CNOT1: variants seen among roughly 807,000 people sequenced by gnomAD.
CNOT1 encodes CCR4-NOT transcription complex subunit 1, also known as CCR4-associated factor 1.
Under a neutral mutation model 273.8 loss-of-function variants are expected in CNOT1, and 15 were observed. That is an observed-to-expected ratio of 0.05 (90% CI 0.04 to 0.08). The LOEUF is 0.08. Among genes scored for constraint, CNOT1 ranks in the 10% least tolerant of loss-of-function variants. CNOT1 has a pLI of 1.00. For missense variants in CNOT1, 1,644 were observed against 2,912.2 expected, an observed-to-expected ratio of 0.56 and a Z score of 10.02; for synonymous variants, 1,022 against 1,005.5, an observed-to-expected ratio of 1.02 and a Z score of -0.31.
intron 12 of CNOT1, among the ~76,000 whole-genome samples, chr16:58,579,152 C>A (rs1421209607): frequency 6.6e-6 from 1 of 152,174 alleles, no homozygotes; most frequent in African/African-American, 2.4e-5. Flanking sequence ...AGATCTAACT[C>A]TATCCTCAGC....
At chr16:58,558,736 A>G (rs1271534907) in intron 17 of CNOT1, 62 bp from the exon 18 acceptor site, 26 of 1,559,344 alleles carry the variant, frequency 1.7e-5, no homozygotes, top group African/African-American at 5.5e-5. Context: ...ACACATGTAA[A>G]GCAATCTTTA....
chr16:58,589,966 T>TGCCCCAGGA (rs1018711329), intron 2 of CNOT1, among the ~76,000 whole-genome samples: 3 of 152,242 alleles, frequency 2.0e-5, no homozygotes, highest in Non-Finnish European at 1.5e-5. Context: ...AAATATGACC[T>TGCCCCAGGA]GCCCCAGCAT....
At chr16:58,583,672 G>A (rs1350003288) in intron 8 of CNOT1, among the ~76,000 whole-genome samples, 1 of 152,030 alleles carries the variant, frequency 6.6e-6, no homozygotes, top group African/African-American at 2.4e-5. Flanking sequence ...CCAAATAGCT[G>A]GGATTACAAG....
intron 1 of CNOT1, among the ~76,000 whole-genome samples, chr16:58,624,194 C>T (rs983970723): frequency 2.6e-5 from 4 of 152,160 alleles, no homozygotes; most frequent in African/African-American, 9.7e-5. Flanking sequence ...GGATCTGATG[C>T]TATCTTCAGG....
intron 25 of CNOT1, chr16:58,548,392 T>G (rs535995197): frequency 5.0e-5 from 22 of 442,048 alleles, no homozygotes; most frequent in Admixed American, 1.3e-4. Flanking sequence ...GGGCTATATT[T>G]AAACTTCTGT....
chr16:58,587,990 T>C (rs2041930523), intron 3 of CNOT1, 112 bp from the exon 4 acceptor site: 2 of 1,088,240 alleles, frequency 1.8e-6, no homozygotes, highest in African/African-American at 3.2e-5. Flanking sequence ...CTGTTATATA[T>C]TATCAAAATC....
At chr16:58,543,573 T>C in intron 31 of CNOT1, 34 bp downstream of exon 31, 1 of 1,614,012 alleles carries the variant, frequency 6.2e-7, no homozygotes, top group East Asian at 2.2e-5. Context: ...CAGTAATACG[T>C]TTTGTACCTA....
intron 2 of CNOT1, among the ~76,000 whole-genome samples, chr16:58,592,532 T>TA (rs1365491956): frequency 6.6e-6 from 1 of 152,118 alleles, no homozygotes; most frequent in African/African-American, 2.4e-5. Flanking sequence ...GTGCCATGAA[T>TA]GTGTCTGTGA....
In CNOT1 at chr16:58,551,539, T is replaced by C. The variant is rs781097967; in HGVS notation, c.3201+50A>G. On this transcript the variant is annotated intron_variant, in intron 23 of 48. Transcript: ENST00000317147. ...TCTAATACATGTTCACCACTGATTA[T>C]TACAATATAATCATAAATCCTGGAA... is the stretch of plus-strand genomic sequence containing the variant. The C allele has an allele frequency of 4.5e-6, 7 of 1,570,092 alleles. No homozygotes were observed. In the East Asian group the frequency reaches 6.8e-5, roughly 15 times the overall value.
intron 45 of CNOT1, among the ~76,000 whole-genome samples, 187 bp downstream of exon 45, chr16:58,525,802 C>G (rs1408481121): frequency 1.3e-5 from 2 of 152,168 alleles, no homozygotes; most frequent in African/African-American, 4.8e-5. Context: ...GCTGTCTTGT[C>G]CAAAGCTGTA....
chr16:58,613,892 T>C (rs1280571344), intron 1 of CNOT1, among the ~76,000 whole-genome samples: 1 of 119,194 alleles, frequency 8.4e-6, no homozygotes, highest in South Asian at 2.5e-4. Flanking sequence ...ATAGGGACCA[T>C]CCTGGCTAAC....
intron 16 of CNOT1, among the ~76,000 whole-genome samples, chr16:58,570,694 CAAT>C (rs1264084243): frequency 1.3e-5 from 2 of 151,886 alleles, no homozygotes; most frequent in Non-Finnish European, 2.9e-5. Context: ...ATTTGCATGA[CAAT>C]AATGGCAAAA....
rs374680307 is a variant in CNOT1 at position 58,614,349 on chromosome 16, G to A, written c.-174-14838C>T. Among the ~76,000 whole-genome samples, 83 of 124,010 alleles carry A rather than the reference G, an allele frequency of 6.7e-4. 14 individuals carry two copies. The highest frequency in any genetic ancestry group is 1.2e-3 in the Non-Finnish European group (65 of 52,318). The allele number at this position is 124,010 out of a possible 152,430, so 81.4% of individuals were successfully genotyped here. The stretch of plus-strand genomic sequence containing the variant: ...CAGGGCTACTAAGAGTGACTCATTC[G>A]GCATAAACTGCACAAACCAAATGTG... On this transcript the variant is annotated intron_variant, in intron 1 of 48. Coordinates refer to ENST00000317147, the MANE Select transcript of CNOT1 (RefSeq NM_016284.5).
chr16:58,582,965 T>C lies in CNOT1; in HGVS notation c.934-62A>G, dbSNP rs184763534. The stretch of plus-strand genomic sequence containing the variant: ...ACTCCATGTGTTCACTTCTGGTCGA[T>C]AGAACAATCAATCATACTGTAATTT... On this transcript the variant is annotated intron_variant, in intron 9 of 48. Coordinates refer to ENST00000317147, the MANE Select transcript of CNOT1 (RefSeq NM_016284.5). 106 of 1,611,168 alleles carry C rather than the reference T, an allele frequency of 6.6e-5. No individual in the cohort carries two copies. The African/African-American group carries it at 8.2e-4, about 12-fold the overall frequency.
In CNOT1 at chr16:58,574,746, C is replaced by T; in HGVS notation, c.1842G>A (p.Gln614=). The change falls in exon 16 of 49, where the codon CAG becomes CAA. Residue 614 remains glutamine (Q), a synonymous_variant. Transcript: ENST00000317147. ...GTCTCTTTAAAAAAGTCATACACGC[C>T]TGGATAAAAGGCTCCTGAAGAATAG... is the stretch of plus-strand genomic sequence containing the variant. ...KIREHGEPFI[Q]ACMTFLKRRC... 1 of 1,596,710 alleles carries T rather than the reference C, an allele frequency of 6.3e-7. No individual in the cohort carries two copies.
At chr16:58,575,628 G>A (rs1275883243) in intron 14 of CNOT1, among the ~76,000 whole-genome samples, 2 of 152,008 alleles carry the variant, frequency 1.3e-5, no homozygotes, top group East Asian at 3.9e-4. Flanking sequence ...GTGAAACCCT[G>A]TCTCTACTAA....
intron 2 of CNOT1, 33 bp downstream of exon 2, chr16:58,599,203 T>A: frequency 6.2e-7 from 1 of 1,614,064 alleles, no homozygotes; most frequent in South Asian, 1.1e-5. Context: ...CTCATTCCTT[T>A]AATGGCACTT....
chr16:58,556,696 T>C (rs774643757), intron 19 of CNOT1, 151 bp downstream of exon 19: 14 of 1,341,306 alleles, frequency 1.0e-5, no homozygotes, highest in African/African-American at 1.5e-5. Flanking sequence ...GAAGGAGTGA[T>C]ACCTCTAACT....
intron 1 of CNOT1, among the ~76,000 whole-genome samples, chr16:58,623,628 A>C (rs1218580853): frequency 7.2e-5 from 11 of 152,164 alleles, no homozygotes; most frequent in Non-Finnish European, 1.3e-4. Flanking sequence ...AGGGCATGGA[A>C]GCTCCGCGGC....
Sources: gnomAD v4.1 joint callset for allele counts (sites outside exome capture counted in the v4.1 genomes callset) on GRCh38, gnomAD v4.1.1 for gene constraint, MANE v1.5 for transcripts, NCBI Gene and HGNC (gene_info 2026-07-23, HGNC 2026-07-21) for gene names.